Variants in EYS observed in about 807,000 individuals in gnomAD.
EYS encodes protein eyes shut homolog.
A neutral mutation model predicts 282.1 loss-of-function variants in EYS; 250 were observed. The observed-to-expected ratio is 0.89, with a 90% confidence interval of 0.80 to 0.98. The LOEUF (loss-of-function observed/expected upper bound fraction) is 0.98. Ranked by LOEUF, EYS falls within the 50% of genes least tolerant of loss-of-function variation. The pLI is 0.00. For synonymous variants in EYS, 1,355 were observed against 1,282.9 expected, an observed-to-expected ratio of 1.06 and a Z score of -1.20; for missense variants, 4,016 against 3,709.0, an observed-to-expected ratio of 1.08 and a Z score of -2.15.
intron 41 of EYS, among the ~76,000 whole-genome samples, chr6:63,756,399 A>G (rs4562122): frequency 0.55 from 83,116 of 152,054 alleles, 24,363 homozygotes; most frequent in African/African-American, 0.76. Flanking sequence ...GGTTTTGGTC[A>G]TTGGTTCTGT....
intron 11 of EYS, among the ~76,000 whole-genome samples, chr6:65,312,936 G>C (rs1219156162): frequency 1.3e-5 from 2 of 152,022 alleles, no homozygotes; most frequent in African/African-American, 2.4e-5. Context: ...TTATCACTGC[G>C]TTGTCACTTC....
intron 5 of EYS, chr6:65,490,147 T>G (rs1444974980): frequency 1.3e-5 from 2 of 154,002 alleles, no homozygotes; most frequent in Non-Finnish European, 2.9e-5. Context: ...ATATTTCATC[T>G]GCATATTTTA....
intron 8 of EYS, among the ~76,000 whole-genome samples, chr6:65,371,369 C>T (rs1765133748): frequency 6.6e-6 from 1 of 151,602 alleles, no homozygotes; most frequent in Admixed American, 6.7e-5. Flanking sequence ...CTAGTACCAA[C>T]ACTCCACGGA....
chr6:64,904,213 C>A (rs1420787226), intron 16 of EYS, among the ~76,000 whole-genome samples: 1 of 152,122 alleles, frequency 6.6e-6, no homozygotes, highest in Non-Finnish European at 1.5e-5. Flanking sequence ...GGCTAGCAGA[C>A]CAGGTAGTCT....
At chr6:64,442,975 A>G (rs1216339535) in intron 26 of EYS, among the ~76,000 whole-genome samples, 1 of 152,190 alleles carries the variant, frequency 6.6e-6, no homozygotes, top group Non-Finnish European at 1.5e-5. Context: ...GAAGAGGACC[A>G]CCATTCTCCA....
At chr6:64,399,361 A>G (rs1039037687) in intron 28 of EYS, among the ~76,000 whole-genome samples, 1 of 151,756 alleles carries the variant, frequency 6.6e-6, no homozygotes, top group Non-Finnish European at 1.5e-5. Context: ...GTCAATAACT[A>G]TATATCTGGA....
chr6:64,982,653 T>C (rs762728638), intron 14 of EYS, among the ~76,000 whole-genome samples: 2 of 151,200 alleles, frequency 1.3e-5, no homozygotes, highest in Non-Finnish European at 3.0e-5. Flanking sequence ...TAGATATATA[T>C]GACTTTGAAA....
At chr6:64,325,619 G>A (rs990059918) in intron 29 of EYS, among the ~76,000 whole-genome samples, 1 of 152,136 alleles carries the variant, frequency 6.6e-6, no homozygotes, top group African/African-American at 2.4e-5. Context: ...AAGCTAATCA[G>A]GGAGGCACCA....
intron 35 of EYS, among the ~76,000 whole-genome samples, chr6:63,916,827 G>A (rs1764434976): frequency 6.6e-6 from 1 of 152,174 alleles, no homozygotes; most frequent in African/African-American, 2.4e-5. Context: ...CATAGCCATA[G>A]CCTCTGTTTG....
At chr6:64,837,998 T>G (rs1441605967) in intron 19 of EYS, among the ~76,000 whole-genome samples, 2 of 151,832 alleles carry the variant, frequency 1.3e-5, no homozygotes, top group Admixed American at 6.6e-5. Context: ...TCTCTTAAAT[T>G]TATACAAACT....
At chr6:63,877,305 T>G (rs1773002329) in intron 35 of EYS, among the ~76,000 whole-genome samples, 1 of 152,248 alleles carries the variant, frequency 6.6e-6, no homozygotes, top group Non-Finnish European at 1.5e-5. Context: ...GCCCCCACTC[T>G]CTTCTGGCTT....
intron 26 of EYS, among the ~76,000 whole-genome samples, chr6:64,521,091 A>G (rs1429126026): frequency 1.3e-5 from 2 of 151,800 alleles, no homozygotes; most frequent in Non-Finnish European, 2.9e-5. Flanking sequence ...CTGATTAGTT[A>G]CAGCTCAACA....
At chr6:65,338,282 C>A (rs1163932207) in intron 10 of EYS, among the ~76,000 whole-genome samples, 1 of 148,378 alleles carries the variant, frequency 6.7e-6, no homozygotes, top group Non-Finnish European at 1.5e-5. Context: ...ATAAAATTTA[C>A]ACATAAGAAG....
At chr6:63,723,688 A>G (rs1457789503) in intron 42 of EYS, among the ~76,000 whole-genome samples, 2 of 152,002 alleles carry the variant, frequency 1.3e-5, no homozygotes, top group African/African-American at 2.4e-5. Context: ...TTCTGTGGCT[A>G]TGGAAGCTAA....
intron 22 of EYS, among the ~76,000 whole-genome samples, chr6:64,803,567 G>A (rs1034104709): frequency 1.3e-5 from 2 of 152,178 alleles, no homozygotes; most frequent in Non-Finnish European, 2.9e-5. Context: ...ACCCCTTTCT[G>A]CCCAGGAGCC....
intron 35 of EYS, among the ~76,000 whole-genome samples, chr6:63,906,999 A>T (rs1773794490): frequency 6.6e-6 from 1 of 152,088 alleles, no homozygotes; most frequent in Non-Finnish European, 1.5e-5. Flanking sequence ...TAGTGTGTTT[A>T]TCCTTACTAC....
intron 32 of EYS, among the ~76,000 whole-genome samples, chr6:64,078,921 C>T (rs568335322): frequency 5.0e-4 from 76 of 152,114 alleles, no homozygotes; most frequent in African/African-American, 1.8e-3. Context: ...GAGCCAGGAG[C>T]GTGAACCCAG....
intron 14 of EYS, among the ~76,000 whole-genome samples, chr6:64,962,141 ATTCTTCTC>A: frequency 6.6e-6 from 1 of 151,880 alleles, no homozygotes; most frequent in Non-Finnish European, 1.5e-5. Flanking sequence ...TCTAGTTGCT[ATTCTTCTC>A]AGTATTTCTC....
intron 31 of EYS, among the ~76,000 whole-genome samples, chr6:64,225,777 T>C (rs1056130355): frequency 3.9e-5 from 6 of 152,106 alleles, no homozygotes; most frequent in African/African-American, 1.4e-4. Flanking sequence ...TAGTTCATAG[T>C]GAAGAGCAGA....
Sources: allele counts gnomAD v4.1 joint callset (sites outside exome capture counted in the v4.1 genomes callset), GRCh38; gene constraint gnomAD v4.1.1; transcripts MANE v1.5; gene names NCBI Gene and HGNC (gene_info 2026-07-23, HGNC 2026-07-21).